Variants in LIN28B observed in about 807,000 individuals in gnomAD.
LIN28B encodes the protein lin-28 RNA binding posttranscriptional regulator B.
In LIN28B, 5 loss-of-function variants were observed where a neutral mutation model predicts 21.9. That is an observed-to-expected ratio of 0.23 (90% CI 0.12 to 0.48). The LOEUF is 0.48. LIN28B is among the 20% of genes least tolerant of loss of function. The probability of loss-of-function intolerance (pLI) is 0.98; values close to 1 mark genes in which losing one functional copy is unlikely to be tolerated. For missense variants in LIN28B, 245 were observed against 310.5 expected (o/e 0.79, Z 1.58); for synonymous variants, 109 against 111.3 (o/e 0.98, Z 0.13).
intron 3 of LIN28B, among the ~76,000 whole-genome samples, chr6:105,048,511 T>C (rs1219251570): frequency 2.6e-5 from 4 of 152,208 alleles, no homozygotes; most frequent in Admixed American, 1.3e-4. Context: ...GGCTTTGGTA[T>C]CAGGATGATG....
At chr6:105,060,279 G>C (rs1465158423) in intron 3 of LIN28B, among the ~76,000 whole-genome samples, 1 of 149,564 alleles carries the variant, frequency 6.7e-6, no homozygotes, top group Non-Finnish European at 1.5e-5. Flanking sequence ...TTGTTTCTTT[G>C]TTGAGATAGG....
chr6:105,031,572 C>T (rs771701572), intron 3 of LIN28B, among the ~76,000 whole-genome samples: 27 of 149,730 alleles, frequency 1.8e-4, no homozygotes, highest in Non-Finnish European at 3.8e-4. Context: ...CTGGCTCCAT[C>T]GCCCAGGCTG....
intron 3 of LIN28B, among the ~76,000 whole-genome samples, chr6:105,036,389 A>G (rs1427786915): frequency 3.3e-5 from 5 of 152,178 alleles, no homozygotes; most frequent in Admixed American, 2.0e-4. Flanking sequence ...ATTCTTCTGT[A>G]TTTTTAATTC....
rs1009096802 is a variant in LIN28B, at chr6:104,990,490, T to G, written c.198+32204T>G. Among the ~76,000 whole-genome samples the G allele has an allele frequency of 2.6e-5, 4 of 152,136 alleles. No individual in the cohort carries two copies. In the South Asian group the frequency reaches 8.3e-4, roughly 32 times the overall value. ...TTTAACTTTTCTGTTACCTTATGTTTAGTGTGCCTCTTGTAAATGTCGTAT... is the reference window on the plus strand; with the variant it reads ...TTTAACTTTTCTGTTACCTTATGTTGAGTGTGCCTCTTGTAAATGTCGTAT... On this transcript the variant is annotated intron_variant, in intron 2 of 3. Transcript: ENST00000345080.
intron 2 of LIN28B, among the ~76,000 whole-genome samples, chr6:104,976,591 A>C (rs1371244690): frequency 6.6e-6 from 1 of 152,236 alleles, no homozygotes; most frequent in Admixed American, 6.5e-5. Flanking sequence ...TGCCAAGATA[A>C]CAGCATTGTG....
chr6:105,030,592 CTTTTTTTTTTT>C (rs980799980), intron 3 of LIN28B, among the ~76,000 whole-genome samples: 12 of 106,596 alleles, frequency 1.1e-4, no homozygotes, highest in Admixed American at 3.1e-4. Flanking sequence ...TTCTTTCTTT[CTTTTTTTTTTT>C]TTTTTTTTTT....
intron 2 of LIN28B, among the ~76,000 whole-genome samples, chr6:104,987,018 A>G (rs190229676): frequency 1.8e-4 from 27 of 152,300 alleles, no homozygotes; most frequent in African/African-American, 5.5e-4. Flanking sequence ...CCTGAACTGC[A>G]ATTCTTTCTT....
At chr6:104,938,956 C>A (rs539606052) in intron 2 of LIN28B, among the ~76,000 whole-genome samples, 30 of 151,958 alleles carry the variant, frequency 2.0e-4, no homozygotes, top group African/African-American at 7.2e-4. Flanking sequence ...TTTTTATTTT[C>A]TGTTTACAAT....
chr6:105,063,651 A>AAG (rs1460285785), intron 3 of LIN28B, among the ~76,000 whole-genome samples: 4 of 148,230 alleles, frequency 2.7e-5, no homozygotes, highest in East Asian at 2.0e-4. Context: ...GGGGGGGGAA[A>AAG]AAAAGGTAAA....
chr6:105,053,714 CG>C, intron 3 of LIN28B, among the ~76,000 whole-genome samples: 1 of 147,388 alleles, frequency 6.8e-6, no homozygotes, highest in South Asian at 2.2e-4. Context: ...TGTGTGGGTG[CG>C]TGTGTGTGTG....
At chr6:104,983,777 T>C (rs1306638702) in intron 2 of LIN28B, among the ~76,000 whole-genome samples, 1 of 152,156 alleles carries the variant, frequency 6.6e-6, no homozygotes, top group Non-Finnish European at 1.5e-5. Flanking sequence ...GGTTTCACCA[T>C]GTTGGCCAGG....
At chr6:104,991,337 T>G (rs1770472285) in intron 2 of LIN28B, among the ~76,000 whole-genome samples, 2 of 135,584 alleles carry the variant, frequency 1.5e-5, no homozygotes, top group African/African-American at 2.8e-5. Flanking sequence ...CCTCTCAGAG[T>G]GGGCGGCCGG....
At chr6:105,021,609 A>C (rs1242253962) in intron 2 of LIN28B, among the ~76,000 whole-genome samples, 6 of 152,190 alleles carry the variant, frequency 3.9e-5, no homozygotes, top group Non-Finnish European at 7.4e-5. Context: ...AACGTTGAAC[A>C]TTTTTCATAC....
In LIN28B at chr6:105,080,143, T is replaced by C. The variant is rs1245474602; in HGVS notation, c.*1360T>C. The C allele has an allele frequency of 1.3e-5, 2 of 152,516 alleles. No homozygotes were observed. Among genetic ancestry groups the C allele is most frequent in the African/African-American group, 4.8e-5 (2 of 41,424 alleles). The allele number at this position is 152,516 out of a possible 1,614,324, so 9.4% of individuals were successfully genotyped here. A position where few individuals can be genotyped will look rare whatever the true frequency, so the allele number is the denominator to read the frequency against. On this transcript the variant is annotated 3_prime_UTR_variant, in exon 4 of 4. Transcript: ENST00000345080. Reference sequence around the variant, plus strand: ...AGGGAGAATCTTCTCAGGTTGGTTCTCGTTAGAGTGATAAACTGGCTAGGG... The same window carrying C: ...AGGGAGAATCTTCTCAGGTTGGTTCCCGTTAGAGTGATAAACTGGCTAGGG...
chr6:105,058,006 TA>T, intron 3 of LIN28B: 1 of 366,576 alleles, frequency 2.7e-6, no homozygotes, highest in Non-Finnish European at 5.2e-6. Flanking sequence ...CTTATTTATT[TA>T]ATTATTTTGT....
intron 2 of LIN28B, among the ~76,000 whole-genome samples, chr6:104,944,065 G>A (rs1250525596): frequency 1.3e-5 from 2 of 152,186 alleles, no homozygotes; most frequent in South Asian, 2.1e-4. Context: ...ACAGTACACA[G>A]AAATTGTGTA....
intron 2 of LIN28B, among the ~76,000 whole-genome samples, chr6:105,007,022 C>T (rs1221318561): frequency 6.6e-6 from 1 of 152,174 alleles, no homozygotes; most frequent in Non-Finnish European, 1.5e-5. Context: ...CATATATGCT[C>T]TTGCCATTTT....
intron 2 of LIN28B, among the ~76,000 whole-genome samples, chr6:104,999,450 T>A (rs527919529): frequency 2.0e-5 from 3 of 152,176 alleles, no homozygotes; most frequent in African/African-American, 7.2e-5. Flanking sequence ...GTTTTAATGA[T>A]AATACCTAAT....
chr6:104,973,492 C>T lies in LIN28B; in HGVS notation c.198+15206C>T, dbSNP rs528671298. Among the ~76,000 whole-genome samples the T allele has an allele frequency of 1.4e-3, 207 of 152,210 alleles. 1 individual carries two copies. The highest frequency in any genetic ancestry group is 4.9e-3 in the African/African-American group (204 of 41,538). On this transcript the variant is annotated intron_variant, in intron 2 of 3. Coordinates refer to ENST00000345080, the MANE Select transcript of LIN28B (RefSeq NM_001004317.4). ...ACCAGGAATTATTACAGCCTTAAGTCGTCTCTTTCTTTAGTCTCCTTCTCC... is the reference window on the plus strand; with the variant it reads ...ACCAGGAATTATTACAGCCTTAAGTTGTCTCTTTCTTTAGTCTCCTTCTCC...
Sources: gnomAD v4.1 joint callset for allele counts (sites outside exome capture counted in the v4.1 genomes callset) on GRCh38, gnomAD v4.1.1 for gene constraint, MANE v1.5 for transcripts, NCBI Gene and HGNC (gene_info 2026-07-23, HGNC 2026-07-21) for gene names.